Variants in ASAP1 observed in about 807,000 individuals in gnomAD.
The protein encoded by ASAP1 is arf-GAP with SH3 domain, ANK repeat and PH domain-containing protein 1.
In ASAP1, 43 loss-of-function variants were observed where a neutral mutation model predicts 145.2. The ratio of observed to expected loss-of-function variants is 0.30; its 90% CI spans 0.23 to 0.38. ASAP1 has a LOEUF of 0.38. ASAP1 is among the 10% of genes least tolerant of loss of function. The pLI, the probability that ASAP1 is intolerant of heterozygous loss-of-function variation, is 1.00. For missense variants in ASAP1, 1,018 were observed against 1,355.3 expected, an observed-to-expected ratio of 0.75 and a Z score of 3.91; for synonymous variants, 546 against 515.5, an observed-to-expected ratio of 1.06 and a Z score of -0.80.
intron 13 of ASAP1, among the ~76,000 whole-genome samples, chr8:130,150,107 C>A (rs541462605): frequency 1.3e-5 from 2 of 152,292 alleles, no homozygotes; most frequent in South Asian, 4.1e-4. Flanking sequence ...CTCACTGAAT[C>A]CTCATATAAT....
intron 3 of ASAP1, among the ~76,000 whole-genome samples, chr8:130,284,688 T>C (rs1011042809): frequency 3.3e-5 from 5 of 152,118 alleles, no homozygotes; most frequent in African/African-American, 1.2e-4. Flanking sequence ...AGGGGTAATT[T>C]AGCAATGCAG....
At chr8:130,322,982 G>C (rs1233694153) in intron 3 of ASAP1, among the ~76,000 whole-genome samples, 1 of 152,198 alleles carries the variant, frequency 6.6e-6, no homozygotes, top group African/African-American at 2.4e-5. Flanking sequence ...GAAGCACTAG[G>C]CATTTGTGGA....
chr8:130,428,615 TCAC>T (rs908902436), intron 1 of ASAP1, among the ~76,000 whole-genome samples: 29 of 139,500 alleles, frequency 2.1e-4, no homozygotes, highest in African/African-American at 6.5e-4. Context: ...ACCATCATCA[TCAC>T]CACCACCACC....
At chr8:130,221,580 C>G (rs1438909138) in intron 4 of ASAP1, among the ~76,000 whole-genome samples, 1 of 152,184 alleles carries the variant, frequency 6.6e-6, no homozygotes, top group Non-Finnish European at 1.5e-5. Context: ...ATTTTCTGCT[C>G]TTTGCTAAAA....
chr8:130,292,363 G>C (rs1821998855), intron 3 of ASAP1, among the ~76,000 whole-genome samples: 1 of 152,180 alleles, frequency 6.6e-6, no homozygotes, highest in Non-Finnish European at 1.5e-5. Flanking sequence ...TTTGTTAACA[G>C]AAGTATGAAT....
chr8:130,370,992 G>A (rs1295682389), intron 2 of ASAP1, among the ~76,000 whole-genome samples: 1 of 152,170 alleles, frequency 6.6e-6, no homozygotes, highest in African/African-American at 2.4e-5. Flanking sequence ...CTATCATTTT[G>A]TGAATACACT....
At chr8:130,115,851 T>C in intron 22 of ASAP1, 116 bp from the exon 23 acceptor site, 1 of 763,572 alleles carries the variant, frequency 1.3e-6, no homozygotes, top group Non-Finnish European at 2.3e-6. Flanking sequence ...CATCTGTAGG[T>C]GTACTATAGG....
chr8:130,407,458 C>A (rs1008219057), intron 1 of ASAP1, among the ~76,000 whole-genome samples: 2 of 152,224 alleles, frequency 1.3e-5, no homozygotes, highest in African/African-American at 4.8e-5. Flanking sequence ...AAGACATGAG[C>A]AGGGGAGCGG....
In ASAP1 at chr8:130,099,421, C is replaced by T. The variant is rs549626481; in HGVS notation, c.2402-7278G>A. On this transcript the variant is annotated intron_variant, in intron 24 of 29. Coordinates refer to ENST00000518721, the MANE Select transcript of ASAP1 (RefSeq NM_018482.4). ...GGTCTCGATCTCCTGACCTCGTGATCCGCCCATCGTGGCCTCCAAAAGTGC... is the reference window on the plus strand; with the variant it reads ...GGTCTCGATCTCCTGACCTCGTGATTCGCCCATCGTGGCCTCCAAAAGTGC... 1.4e-4 allele frequency among the ~76,000 whole-genome samples: 22 copies of T among 152,148 alleles called. No homozygotes were observed. The South Asian group carries it at 4.6e-3, about 32-fold the overall frequency.
chr8:130,442,348 G>T (rs982482135), intron 1 of ASAP1, among the ~76,000 whole-genome samples: 2 of 152,130 alleles, frequency 1.3e-5, no homozygotes, highest in African/African-American at 4.8e-5. Flanking sequence ...TTCTCTGAAG[G>T]GGGTGAATCA....
At chr8:130,413,958 C>A (rs1370373075) in intron 1 of ASAP1, among the ~76,000 whole-genome samples, 1 of 152,080 alleles carries the variant, frequency 6.6e-6, no homozygotes, top group Non-Finnish European at 1.5e-5. Context: ...AGGAGCCCAC[C>A]CAAGTGAGGC....
intron 1 of ASAP1, among the ~76,000 whole-genome samples, chr8:130,433,972 C>T (rs947108955): frequency 2.0e-5 from 3 of 152,154 alleles, no homozygotes; most frequent in African/African-American, 4.8e-5. Context: ...AATATTGTAT[C>T]GTGGTCAAGA....
rs111831017 is a variant in ASAP1 at position 130,374,509 on chromosome 8, C to G, written c.60-16366G>C. Reference sequence around the variant, plus strand: ...CGGTGGCGCACGCCTGTAATCCCAGCACTTTGGGAGGCCGAGGCATTTAGT... The same window carrying G: ...CGGTGGCGCACGCCTGTAATCCCAGGACTTTGGGAGGCCGAGGCATTTAGT... On this transcript the variant is annotated intron_variant, in intron 2 of 29. Coordinates refer to ENST00000518721, the MANE Select transcript of ASAP1 (RefSeq NM_018482.4). Among the ~76,000 whole-genome samples, 371 of 152,338 alleles carry G rather than the reference C, an allele frequency of 2.4e-3. 1 individual carries two copies. The highest frequency in any genetic ancestry group is 6.8e-3 in the Middle Eastern group (2 of 294).
At chr8:130,318,763 T>C (rs908835645) in intron 3 of ASAP1, among the ~76,000 whole-genome samples, 2 of 152,108 alleles carry the variant, frequency 1.3e-5, no homozygotes, top group Non-Finnish European at 2.9e-5. Flanking sequence ...ACTTCAAATA[T>C]AGACTAGACA....
chr8:130,278,139 T>TGA (rs1821031991), intron 3 of ASAP1, among the ~76,000 whole-genome samples: 1 of 151,830 alleles, frequency 6.6e-6, no homozygotes, highest in Non-Finnish European at 1.5e-5. Context: ...CCTCAAACCA[T>TGA]GAGTTCTTTA....
chr8:130,434,571 T>C (rs748087280), intron 1 of ASAP1, among the ~76,000 whole-genome samples: 45 of 152,284 alleles, frequency 3.0e-4, no homozygotes, highest in Non-Finnish European at 5.6e-4. Context: ...TCCAGTGGTT[T>C]TCCCACAGCA....
At chr8:130,261,067 A>C (rs1484055716) in intron 3 of ASAP1, among the ~76,000 whole-genome samples, 1 of 152,154 alleles carries the variant, frequency 6.6e-6, no homozygotes, top group South Asian at 2.1e-4. Flanking sequence ...GTCAATTACT[A>C]GTCACAGACC....
chr8:130,432,231 G>C (rs914089347), intron 1 of ASAP1, among the ~76,000 whole-genome samples: 2 of 151,978 alleles, frequency 1.3e-5, no homozygotes, highest in Admixed American at 1.3e-4. Flanking sequence ...AAATGTTACG[G>C]GTACTCAAAG....
chr8:130,242,753 T>C (rs1470909670), intron 3 of ASAP1, among the ~76,000 whole-genome samples: 1 of 152,152 alleles, frequency 6.6e-6, no homozygotes, highest in East Asian at 1.9e-4. Flanking sequence ...CTGTCCAATG[T>C]GATCATGAGT....
Sources: allele counts gnomAD v4.1 joint callset (sites outside exome capture counted in the v4.1 genomes callset), GRCh38; gene constraint gnomAD v4.1.1; transcripts MANE v1.5; gene names NCBI Gene and HGNC (gene_info 2026-07-23, HGNC 2026-07-21).